Variants in EPB41L4B observed in about 807,000 individuals in gnomAD.
EPB41L4B encodes the protein erythrocyte membrane protein band 4.1 like 4B.
In EPB41L4B, 30 loss-of-function variants were observed where a neutral mutation model predicts 112.5. The observed-to-expected ratio is 0.27, with a 90% CI of 0.20 to 0.36. EPB41L4B has a LOEUF of 0.36. Among genes scored for constraint, EPB41L4B ranks in the 10% least tolerant of loss-of-function variants. The probability of loss-of-function intolerance (pLI) is 1.00; values close to 1 mark genes in which losing one functional copy is unlikely to be tolerated. For missense variants in EPB41L4B, 1,024 were observed against 1,133.3 expected, an observed-to-expected ratio of 0.90 and a Z score of 1.38; for synonymous variants, 408 against 439.7, an observed-to-expected ratio of 0.93 and a Z score of 0.90.
At chr9:109,194,820 C>A (rs1240395445) in intron 20 of EPB41L4B, among the ~76,000 whole-genome samples, 2 of 152,138 alleles carry the variant, frequency 1.3e-5, no homozygotes, top group East Asian at 3.8e-4. Flanking sequence ...CCTCTGGTAA[C>A]ATCAATTCCA....
intron 1 of EPB41L4B, among the ~76,000 whole-genome samples, chr9:109,318,328 C>G (rs1410214864): frequency 6.6e-6 from 1 of 152,068 alleles, no homozygotes; most frequent in Non-Finnish European, 1.5e-5. Context: ...TGCAAATATC[C>G]CCTTCCCCCA....
In EPB41L4B at chr9:109,255,853, C is replaced by G. The variant is rs1834962906; in HGVS notation, c.930-10G>C. 1 of 1,610,268 alleles carries G rather than the reference C, an allele frequency of 6.2e-7. No homozygotes were observed. Among genetic ancestry groups the G allele is most frequent in the Non-Finnish European group, 8.5e-7 (1 of 1,178,892 alleles). ...TTTGGTAATTTTAGGCCTAGTCAGA[C>G]AGAAAGCATTTTAAAAGCACAATCT... On this transcript the variant is annotated splice_polypyrimidine_tract_variant and intron_variant, in intron 9 of 25. Transcript: ENST00000374566.
At chr9:109,245,882 G>T (rs1834535823) in intron 14 of EPB41L4B, among the ~76,000 whole-genome samples, 1 of 152,246 alleles carries the variant, frequency 6.6e-6, no homozygotes, top group Admixed American at 6.5e-5. Flanking sequence ...AGTTTCAGTA[G>T]ATCTGATTTC....
chr9:109,235,982 T>TA (rs1834126941), intron 15 of EPB41L4B, among the ~76,000 whole-genome samples: 2 of 152,222 alleles, frequency 1.3e-5, no homozygotes, highest in African/African-American at 4.8e-5. Context: ...ACACTTCACC[T>TA]AATCAGAGAA....
chr9:109,226,723 G>A (rs1833785277), intron 15 of EPB41L4B, among the ~76,000 whole-genome samples: 2 of 128,922 alleles, frequency 1.6e-5, no homozygotes, highest in East Asian at 2.2e-4. Flanking sequence ...ATATATATAT[G>A]AAGTATATAT....
chr9:109,187,398 T>G (rs952241233), intron 22 of EPB41L4B, among the ~76,000 whole-genome samples: 5 of 146,606 alleles, frequency 3.4e-5, no homozygotes, highest in Non-Finnish European at 7.6e-5. Flanking sequence ...ATTTGGGAGA[T>G]GTAGAAATTG....
At chr9:109,257,154 A>G (rs971231189) in intron 7 of EPB41L4B, among the ~76,000 whole-genome samples, 4 of 152,190 alleles carry the variant, frequency 2.6e-5, no homozygotes, top group East Asian at 1.9e-4. Flanking sequence ...GTGTTACACA[A>G]TGAGAATGGA....
chr9:109,177,569 C>A (rs529314692), intron 24 of EPB41L4B, among the ~76,000 whole-genome samples: 2 of 152,268 alleles, frequency 1.3e-5, no homozygotes, highest in Non-Finnish European at 2.9e-5. Context: ...CACCTGTAAT[C>A]CCAACACTTT....
chr9:109,273,277 C>T (rs749651240), intron 2 of EPB41L4B, among the ~76,000 whole-genome samples: 46 of 151,626 alleles, frequency 3.0e-4, no homozygotes, highest in South Asian at 4.2e-4. Flanking sequence ...GACAGAGTCT[C>T]GCTCTGTCAC....
rs571679914 is a variant in EPB41L4B, at chr9:109,194,382, G to A, written c.2061C>T (p.Leu687=). Residue 687 remains leucine, a synonymous_variant, in exon 21 of 26, where the codon CTC becomes CTT. Coordinates refer to ENST00000374566, the MANE Select transcript of EPB41L4B (RefSeq NM_019114.5). ...CCACTGCCTCGGCCAGGTCTGGAGG[G>A]AGGTCGTCTTCATCACTGCGGTTAC... ...TRQYSFDEDD[L]PPDLAEAVGV... is the part of the protein sequence containing the mutation. 1 of 1,614,090 alleles carries A rather than the reference G, an allele frequency of 6.2e-7. No homozygotes were observed. The highest frequency in any genetic ancestry group is 2.2e-5 in the East Asian group (1 of 44,870).
intron 15 of EPB41L4B, among the ~76,000 whole-genome samples, chr9:109,218,602 T>C (rs1833470118): frequency 6.6e-6 from 1 of 152,004 alleles, no homozygotes; most frequent in African/African-American, 2.4e-5. Context: ...CACAATCCTT[T>C]ATGTGGCACT....
chr9:109,273,454 C>G (rs541737372), intron 2 of EPB41L4B, among the ~76,000 whole-genome samples: 32 of 152,180 alleles, frequency 2.1e-4, no homozygotes, highest in African/African-American at 7.5e-4. Context: ...GCCATGTTGG[C>G]TAGTCTGGTC....
At chr9:109,227,020 T>A (rs987910856) in intron 15 of EPB41L4B, among the ~76,000 whole-genome samples, 2 of 151,574 alleles carry the variant, frequency 1.3e-5, no homozygotes, top group African/African-American at 4.8e-5. Flanking sequence ...TCATTTTTTT[T>A]ATAGAGACAG....
At chr9:109,203,271 G>C (rs1832894023) in intron 19 of EPB41L4B, among the ~76,000 whole-genome samples, 1 of 152,206 alleles carries the variant, frequency 6.6e-6, no homozygotes. Flanking sequence ...CCAAGTCCAA[G>C]CTGGAGTTGT....
At chr9:109,263,780 G>T (rs10816791) in intron 5 of EPB41L4B, among the ~76,000 whole-genome samples, 71,127 of 151,966 alleles carry the variant, frequency 0.47, 16,895 homozygotes, top group East Asian at 0.66. Context: ...TTGCCAGTGA[G>T]CCCCCCCGAC....
intron 15 of EPB41L4B, among the ~76,000 whole-genome samples, chr9:109,242,270 G>A (rs1444513357): frequency 6.6e-6 from 1 of 152,212 alleles, no homozygotes. Context: ...TTCTGATCCA[G>A]TAGGTCTGGG....
At chr9:109,319,884 A>G (rs1488805880) in intron 1 of EPB41L4B, among the ~76,000 whole-genome samples, 1 of 151,992 alleles carries the variant, frequency 6.6e-6, no homozygotes, top group Non-Finnish European at 1.5e-5. Context: ...CCCAAGGACT[A>G]GGTGGGCGCC....
At chr9:109,245,480 T>C (rs756049479) in intron 14 of EPB41L4B, among the ~76,000 whole-genome samples, 2 of 152,360 alleles carry the variant, frequency 1.3e-5, no homozygotes, top group African/African-American at 2.4e-5. Flanking sequence ...GGTACACTCA[T>C]ATCCCTTGGA....
intron 5 of EPB41L4B, among the ~76,000 whole-genome samples, chr9:109,264,070 A>T (rs1343523781): frequency 3.3e-5 from 5 of 151,950 alleles, no homozygotes; most frequent in Admixed American, 1.3e-4. Flanking sequence ...AGAGAGGATT[A>T]AAAAAAAGTA....
Sources: allele counts gnomAD v4.1 joint callset (sites outside exome capture counted in the v4.1 genomes callset), GRCh38; gene constraint gnomAD v4.1.1; transcripts MANE v1.5; gene names NCBI Gene and HGNC (gene_info 2026-07-23, HGNC 2026-07-21).